Variants in PRKG2 observed in about 807,000 individuals in gnomAD.
The protein encoded by PRKG2 is protein kinase cGMP-dependent 2, also known as cGMP-dependent protein kinase 2.
In PRKG2, 33 loss-of-function variants were observed where a neutral mutation model predicts 97.2. That is an observed-to-expected ratio of 0.34 (90% confidence interval 0.26 to 0.45). The LOEUF (loss-of-function observed/expected upper bound fraction) is 0.45. Ranked by LOEUF, PRKG2 falls within the 20% of genes least tolerant of loss-of-function variation. The pLI, the probability that PRKG2 is intolerant of heterozygous loss-of-function variation, is 1.00. For missense variants in PRKG2, 638 were observed against 900.0 expected (o/e 0.71, Z 3.73); for synonymous variants, 330 against 321.8 (o/e 1.03, Z -0.27).
chr4:81,126,404 G>A (rs917796267), intron 14 of PRKG2, among the ~76,000 whole-genome samples: 2 of 152,142 alleles, frequency 1.3e-5, no homozygotes, highest in African/African-American at 4.8e-5. Flanking sequence ...TAATGGGATT[G>A]CTGGGTCAAA....
intron 14 of PRKG2, among the ~76,000 whole-genome samples, chr4:81,116,789 A>C (rs1428265565): frequency 6.7e-6 from 1 of 150,360 alleles, no homozygotes; most frequent in African/African-American, 2.5e-5. Flanking sequence ...CATTTTTTTC[A>C]TATGCTTGTT....
chr4:81,171,928 T>C, intron 3 of PRKG2, 124 bp from the exon 4 acceptor site: 1 of 608,046 alleles, frequency 1.6e-6, no homozygotes, highest in South Asian at 3.1e-5. Flanking sequence ...TTTATGATTC[T>C]CATTATAATA....
chr4:81,092,339 C>G (rs1560527004), intron 18 of PRKG2, 47 bp downstream of exon 18: 1 of 1,326,198 alleles, frequency 7.5e-7, no homozygotes, highest in South Asian at 1.4e-5. Context: ...TGTACAAAAA[C>G]AAATCCCTGG....
chr4:81,135,206 T>G lies in PRKG2; in HGVS notation c.1725A>C (p.Arg575Ser). 1 of 1,611,894 alleles carries G rather than the reference T, an allele frequency of 6.2e-7. No homozygotes were observed. Among genetic ancestry groups the G allele is most frequent in the Non-Finnish European group, 8.5e-7 (1 of 1,178,668 alleles). ...GAATTAAGTTTTCTGGTTTCAAGTCTCTGTAGATAATACCTAGTCGATGCA... is the reference window on the plus strand; with the variant it reads ...GAATTAAGTTTTCTGGTTTCAAGTCGCTGTAGATAATACCTAGTCGATGCA... Reference protein sequence around the residue: ...DYLHRLGIIYRDLKPENLILD... With the variant: ...DYLHRLGIIYSDLKPENLILD... The change falls in exon 14 of 19, where the codon AGA becomes AGC. Residue 575 changes from arginine (R) to serine (S), a missense_variant. Around this residue, in one of 3 missense-constraint regions of PRKG2, gnomAD observed 304 missense variants for 460.5 expected, o/e 0.66. Transcript: ENST00000264399.
chr4:81,208,922 T>C (rs779392843), intron 1 of PRKG2, among the ~76,000 whole-genome samples: 14 of 152,306 alleles, frequency 9.2e-5, no homozygotes, highest in Non-Finnish European at 1.8e-4. Context: ...AATTCCCTCA[T>C]GTAGCCCCTA....
upstream of PRKG2, among the ~76,000 whole-genome samples, chr4:81,217,460 A>G (rs180867700): frequency 2.0e-4 from 31 of 152,198 alleles, no homozygotes; most frequent in African/African-American, 7.5e-4. Context: ...CAAATCTACA[A>G]CTCTACCATG....
intron 2 of PRKG2, among the ~76,000 whole-genome samples, chr4:81,178,357 C>T (rs1411824353): frequency 6.6e-6 from 1 of 151,752 alleles, no homozygotes; most frequent in Non-Finnish European, 1.5e-5. Context: ...CAGAAGTTAC[C>T]AGGCATACTA....
chr4:81,169,874 C>T, intron 4 of PRKG2, 106 bp from the exon 5 acceptor site: 1 of 649,056 alleles, frequency 1.5e-6, no homozygotes, highest in Non-Finnish European at 2.4e-6. Context: ...AATGGTACTT[C>T]TTGGAAAATG....
intron 2 of PRKG2, among the ~76,000 whole-genome samples, chr4:81,183,114 T>C (rs1380966364): frequency 1.3e-5 from 2 of 152,086 alleles, no homozygotes; most frequent in African/African-American, 4.8e-5. Context: ...GTAATGGATA[T>C]CAAAAATTAT....
intron 6 of PRKG2, among the ~76,000 whole-genome samples, chr4:81,158,137 A>G (rs1296933329): frequency 5.5e-5 from 8 of 145,876 alleles, no homozygotes; most frequent in Non-Finnish European, 1.2e-4. Flanking sequence ...AGGAAGTCAA[A>G]TTGTCCCTGT....
intron 11 of PRKG2, among the ~76,000 whole-genome samples, chr4:81,141,694 T>A (rs1383583093): frequency 6.6e-6 from 1 of 152,222 alleles, no homozygotes; most frequent in East Asian, 1.9e-4. Context: ...GACTTTTAAA[T>A]CAATGGTGGA....
intron 17 of PRKG2, among the ~76,000 whole-genome samples, chr4:81,097,886 T>C (rs995856223): frequency 2.7e-4 from 41 of 152,204 alleles, no homozygotes; most frequent in African/African-American, 9.4e-4. Flanking sequence ...TAAAGAAATG[T>C]TGTGTCTGGT....
At chr4:81,175,622 T>C (rs968151650) in intron 2 of PRKG2, 1 of 152,054 alleles carries the variant, frequency 6.6e-6, no homozygotes, top group East Asian at 1.9e-4. Flanking sequence ...ATGGTGACAG[T>C]GATAGTCTAG....
At chr4:81,111,151 A>G (rs190031442) in intron 14 of PRKG2, among the ~76,000 whole-genome samples, 158 of 152,236 alleles carry the variant, frequency 1.0e-3, no homozygotes, top group African/African-American at 3.6e-3. Context: ...ACCATCATAC[A>G]CAATGTCTGC....
intron 1 of PRKG2, among the ~76,000 whole-genome samples, chr4:81,212,825 G>T (rs974572555): frequency 1.3e-5 from 2 of 152,136 alleles, no homozygotes; most frequent in Non-Finnish European, 2.9e-5. Context: ...TGGTAAGAAG[G>T]TACTGCTTTG....
At chr4:81,174,189 C>T (rs138938089) in intron 3 of PRKG2, among the ~76,000 whole-genome samples, 3 of 152,054 alleles carry the variant, frequency 2.0e-5, no homozygotes, top group African/African-American at 4.8e-5. Context: ...CTAAAAACAC[C>T]GGTTTTAATT....
At chr4:81,162,990 T>C (rs982713444) in intron 6 of PRKG2, among the ~76,000 whole-genome samples, 6 of 152,166 alleles carry the variant, frequency 3.9e-5, no homozygotes, top group Non-Finnish European at 7.4e-5. Flanking sequence ...GGTGTGGCTT[T>C]AATTCCTAAC....
At position 81,204,972 on chromosome 4, in the gene PRKG2, G is replaced by A. The variant is rs373922033; in HGVS notation, c.76C>T (p.Leu26=). The A allele has an allele frequency of 1.4e-5, 22 of 1,613,986 alleles. No homozygotes were observed. The highest frequency in any genetic ancestry group is 1.4e-5 in the Non-Finnish European group (17 of 1,180,038). Residue 26 remains leucine (L), a synonymous_variant, in exon 2 of 19, where the codon CTG becomes TTG. Coordinates refer to ENST00000264399, the MANE Select transcript of PRKG2 (RefSeq NM_006259.3). ...TCCAGCTCTGTCACCTTGTTCCGCA[G>A]AGCATCAGTGGTGAGGTTCCCAGAG... ...GHSGNLTTDA[L]RNKVTELERE...
At chr4:81,105,506 T>C (rs1313832791) in intron 16 of PRKG2, among the ~76,000 whole-genome samples, 2 of 152,160 alleles carry the variant, frequency 1.3e-5, no homozygotes, top group Admixed American at 1.3e-4. Context: ...AGTAAATTAC[T>C]CCTTTTTTAG....
Sources: gnomAD v4.1 joint callset for allele counts (sites outside exome capture counted in the v4.1 genomes callset) on GRCh38, gnomAD v4.1.1 for gene constraint, gnomAD v4.1.1 regional missense constraint, MANE v1.5 for transcripts, NCBI Gene and HGNC (gene_info 2026-07-23, HGNC 2026-07-21) for gene names.